Variants in TRPM7 observed in about 807,000 individuals in gnomAD.
The protein encoded by TRPM7 is LTRPC ion channel family member 7.
In TRPM7, 134 loss-of-function variants were observed where a neutral mutation model predicts 229.7. That is an observed-to-expected ratio of 0.58 (90% confidence interval 0.51 to 0.67). The LOEUF (loss-of-function observed/expected upper bound fraction) is 0.67. TRPM7 is among the 30% of genes least tolerant of loss of function. The pLI is 0.00. For synonymous variants in TRPM7, 699 were observed against 715.2 expected (o/e 0.98, Z 0.36); for missense variants, 1,901 against 2,210.0 (o/e 0.86, Z 2.80).
intron 38 of TRPM7, among the ~76,000 whole-genome samples, chr15:50,568,657 T>G (rs2053725849): frequency 6.6e-6 from 1 of 152,126 alleles, no homozygotes; most frequent in Non-Finnish European, 1.5e-5. Flanking sequence ...ATTACAATAC[T>G]GGGCATACGA....
intron 27 of TRPM7, among the ~76,000 whole-genome samples, chr15:50,589,299 G>T (rs892979402): frequency 7.1e-6 from 1 of 140,940 alleles, no homozygotes; most frequent in Non-Finnish European, 1.5e-5. Context: ...TCCAGCCCAG[G>T]TGACAGCGAG....
Position 50,662,975 on chromosome 15 carries a change from G to T in TRPM7, c.75C>A (p.Asp25Glu). 1.9e-6 allele frequency: 3 copies of T among 1,612,478 alleles called. No homozygotes were observed. Among genetic ancestry groups the T allele is most frequent in the Non-Finnish European group, 2.5e-6 (3 of 1,179,014 alleles). Reference protein sequence around the residue: ...ECVYIIPSSKDPHRCLPGCQI... With the variant: ...ECVYIIPSSKEPHRCLPGCQI... ...AACAAAGGTGTGCTTACCTGTGAGG[G>T]TCCTTGGAACTTGGTATAATATATA... Residue 25 changes from aspartate to glutamate, a missense_variant, in exon 2 of 39, where the codon GAC becomes GAA. By Grantham distance (45) the Asp-to-Glu change is conservative. Transcript: ENST00000646667.
At chr15:50,667,685 C>A (rs920465394) in intron 1 of TRPM7, among the ~76,000 whole-genome samples, 2 of 152,098 alleles carry the variant, frequency 1.3e-5, no homozygotes, top group Non-Finnish European at 2.9e-5. Context: ...CCAGCCTGGG[C>A]AACAGAAGGA....
At chr15:50,590,573 T>C (rs72740431) in intron 26 of TRPM7, among the ~76,000 whole-genome samples, 4,660 of 152,292 alleles carry the variant, frequency 0.031, 105 homozygotes, top group Non-Finnish European at 0.047. Flanking sequence ...ACTTTTCCTA[T>C]ATAATATACA....
At chr15:50,611,881 C>T (rs1257786387) in intron 16 of TRPM7, among the ~76,000 whole-genome samples, 2 of 152,252 alleles carry the variant, frequency 1.3e-5, no homozygotes, top group East Asian at 3.9e-4. Context: ...TTTAATATTC[C>T]AACACTGCCC....
chr15:50,665,365 G>A (rs1293695502), intron 1 of TRPM7, among the ~76,000 whole-genome samples: 2 of 149,922 alleles, frequency 1.3e-5, no homozygotes, highest in Non-Finnish European at 2.9e-5. Flanking sequence ...CTGCACTCCA[G>A]CCTGGGTGAA....
chr15:50,644,253 T>A (rs1203232052), intron 4 of TRPM7, among the ~76,000 whole-genome samples: 2 of 151,886 alleles, frequency 1.3e-5, no homozygotes, highest in African/African-American at 4.9e-5. Flanking sequence ...GTGTGTGAAA[T>A]AACTTCTTCT....
At chr15:50,672,464 T>C (rs1383565784) in intron 1 of TRPM7, among the ~76,000 whole-genome samples, 2 of 152,008 alleles carry the variant, frequency 1.3e-5, no homozygotes, top group Non-Finnish European at 2.9e-5. Flanking sequence ...ATTCATGTTA[T>C]TGTCCCTCAA....
intron 36 of TRPM7, among the ~76,000 whole-genome samples, chr15:50,570,505 A>C (rs566537520): frequency 2.6e-5 from 4 of 152,068 alleles, no homozygotes; most frequent in Admixed American, 1.3e-4. Flanking sequence ...TAGTTAGCAA[A>C]GAACAATTTG....
chr15:50,667,573 G>A (rs140003927), intron 1 of TRPM7, among the ~76,000 whole-genome samples: 17 of 152,282 alleles, frequency 1.1e-4, no homozygotes, highest in African/African-American at 3.1e-4. Context: ...TGGGAATGGT[G>A]CCTTGCACCT....
chr15:50,621,476 G>A (rs2060405566), intron 12 of TRPM7, among the ~76,000 whole-genome samples: 1 of 151,934 alleles, frequency 6.6e-6, no homozygotes, highest in Non-Finnish European at 1.5e-5. Flanking sequence ...GTGTGACCTG[G>A]GGACACCTGA....
At chr15:50,611,367 A>C in intron 16 of TRPM7, 46 bp from the exon 17 acceptor site, 1 of 1,426,818 alleles carries the variant, frequency 7.0e-7, no homozygotes, top group East Asian at 2.4e-5. Context: ...AACAAACTGC[A>C]ATTTTAAACC....
intron 19 of TRPM7, among the ~76,000 whole-genome samples, chr15:50,608,470 A>C (rs1194360299): frequency 2.7e-5 from 4 of 150,868 alleles, no homozygotes; most frequent in African/African-American, 4.9e-5. Flanking sequence ...AAAGAAAGAA[A>C]AGAGAAATTC....
intron 7 of TRPM7, among the ~76,000 whole-genome samples, chr15:50,636,356 A>G (rs370952518): frequency 2.6e-5 from 4 of 151,918 alleles, no homozygotes; most frequent in African/African-American, 9.7e-5. Context: ...ACGCTCGGCT[A>G]ATTTTTGTAT....
At chr15:50,646,774 T>C (rs779282845) in intron 4 of TRPM7, among the ~76,000 whole-genome samples, 3 of 152,212 alleles carry the variant, frequency 2.0e-5, no homozygotes, top group Non-Finnish European at 4.4e-5. Context: ...CACATTTTGA[T>C]TAATGATGAA....
Position 50,631,488 on chromosome 15 carries a change from A to G in TRPM7, c.1133T>C (p.Ile378Thr), listed in dbSNP as rs1280161184. ...LMECMKRKEL[I>T]TVFHIGSDEH... ...ATCTGACCCAATATGGAAAACAGTGATCTATTTAAAGATAAATTTATAACA... is the reference window on the plus strand; with the variant it reads ...ATCTGACCCAATATGGAAAACAGTGGTCTATTTAAAGATAAATTTATAACA... The change falls in exon 10 of 39, where the codon ATC (isoleucine) becomes ACC (threonine). Residue 378 changes from isoleucine (I) to threonine (T), a missense_variant and splice_region_variant. Physicochemically the swap from Ile to Thr is moderately conservative, Grantham distance 89. This residue lies in a region of TRPM7 where 794 missense variants were observed against 881.9 expected (regional missense o/e 0.90). Transcript: ENST00000646667. The G allele has an allele frequency of 1.3e-6, 2 of 1,587,588 alleles. No homozygotes were observed. The highest frequency in any genetic ancestry group is 1.7e-6 in the Non-Finnish European group (2 of 1,157,058).
rs117624909 is a variant in TRPM7, at chr15:50,648,217, G to A, written c.321+470C>T. Among the ~76,000 whole-genome samples, 1,131 of 151,976 alleles carry A rather than the reference G, an allele frequency of 7.4e-3. 5 individuals are homozygous for A. Among genetic ancestry groups the A allele is most frequent in the Non-Finnish European group, 0.013 (858 of 67,984 alleles). ...AAACCAAGCCCCCTGAAGGATGACT[G>A]TATAAATAATATGCTAATAAAGGAG... On this transcript the variant is annotated intron_variant, in intron 4 of 38. Transcript: ENST00000646667.
rs1218861330 is a variant in TRPM7 at position 50,586,466 on chromosome 15, G to A, written c.4412C>T (p.Thr1471Ile). The change falls in exon 28 of 39, where the codon ACT becomes ATT. Residue 1471 changes from threonine (T) to isoleucine (I), a missense_variant. By Grantham distance (89) the Thr-to-Ile change is moderately conservative (BLOSUM62 -1). Around this residue, in one of 8 missense-constraint regions of TRPM7, gnomAD observed 533 missense variants for 497.1 expected, o/e 1.07. Transcript: ENST00000646667. Reference sequence around the variant, plus strand: ...AGCAAGAGAACTCACTCGTTTCAAAGTGTTTTCAGAAGTATTGTTATTCTG... The same window carrying A: ...AGCAAGAGAACTCACTCGTTTCAAAATGTTTTCAGAAGTATTGTTATTCTG... Reference protein sequence around the residue: ...ILSNNNTSENTLKRVSSLAGF... With the variant: ...ILSNNNTSENILKRVSSLAGF... The A allele has an allele frequency of 6.2e-7, 1 of 1,612,218 alleles. No individual in the cohort carries two copies. Among genetic ancestry groups the A allele is most frequent in the South Asian group, 1.1e-5 (1 of 90,978 alleles).
chr15:50,576,952 G>T (rs889688725), intron 31 of TRPM7, among the ~76,000 whole-genome samples: 2 of 151,948 alleles, frequency 1.3e-5, no homozygotes, highest in Admixed American at 6.6e-5. Flanking sequence ...CAACAAAAAA[G>T]ATTTTTAAAA....
Sources: gnomAD v4.1 joint callset for allele counts (sites outside exome capture counted in the v4.1 genomes callset) on GRCh38, gnomAD v4.1.1 for gene constraint, gnomAD v4.1.1 regional missense constraint, MANE v1.5 for transcripts, NCBI Gene and HGNC (gene_info 2026-07-23, HGNC 2026-07-21) for gene names.